DAB1: variants seen among roughly 807,000 people sequenced by gnomAD.
DAB1 encodes the protein disabled homolog 1.
DAB1 carries 15 observed loss-of-function variants against 64.6 expected under a neutral mutation model. That is an observed-to-expected ratio of 0.23 (90% CI 0.16 to 0.36). The LOEUF (loss-of-function observed/expected upper bound fraction) is 0.36. Among genes scored for constraint, DAB1 ranks in the 10% least tolerant of loss-of-function variants. The pLI is 1.00. For synonymous variants in DAB1, 235 were observed against 251.9 expected (o/e 0.93, Z 0.64); for missense variants, 596 against 706.7 (o/e 0.84, Z 1.78).
intron 1 of DAB1, among the ~76,000 whole-genome samples, chr1:57,858,144 T>C (rs1394774024): frequency 6.6e-6 from 1 of 152,124 alleles, no homozygotes; most frequent in African/African-American, 2.4e-5. Flanking sequence ...AGTGTCAAGA[T>C]CTACCACTGT....
At chr1:57,642,762 A>T (rs1413406758) in intron 7 of DAB1, among the ~76,000 whole-genome samples, 1 of 152,186 alleles carries the variant, frequency 6.6e-6, no homozygotes, top group East Asian at 1.9e-4. Context: ...GGTGTTATGA[A>T]CATCAGCGTG....
intron 7 of DAB1, among the ~76,000 whole-genome samples, chr1:57,553,505 G>GAAGGAAGGAAGA (rs57000232): frequency 0.28 from 33,294 of 119,930 alleles, 6,867 homozygotes; most frequent in South Asian, 0.42. Context: ...AGGAAGGAAG[G>GAAGGAAGGAAGA]AAGAGAGAGA....
chr1:57,193,226 C>A (rs1664296793), intron 2 of DAB1, among the ~76,000 whole-genome samples: 1 of 151,904 alleles, frequency 6.6e-6, no homozygotes, highest in African/African-American at 2.4e-5. Context: ...CCACCACCCA[C>A]CCCACCCGGT....
At chr1:57,095,390 A>C (rs914237029) in intron 4 of DAB1, among the ~76,000 whole-genome samples, 1 of 152,212 alleles carries the variant, frequency 6.6e-6, no homozygotes, top group African/African-American at 2.4e-5. Context: ...GGATCAGAGA[A>C]CTGGAGAAGG....
intron 2 of DAB1, among the ~76,000 whole-genome samples, chr1:57,198,373 T>C (rs1296108034): frequency 6.6e-6 from 1 of 152,168 alleles, no homozygotes; most frequent in African/African-American, 2.4e-5. Flanking sequence ...TTAAATAGAA[T>C]GTAATGAAGC....
intron 4 of DAB1, among the ~76,000 whole-genome samples, chr1:58,310,085 A>G (rs575260831): frequency 6.6e-6 from 1 of 152,282 alleles, no homozygotes; most frequent in South Asian, 2.1e-4. Flanking sequence ...CTATCAGTCT[A>G]TTAAAATACA....
chr1:57,205,088 T>C (rs1002875640), intron 2 of DAB1, among the ~76,000 whole-genome samples: 4 of 152,180 alleles, frequency 2.6e-5, no homozygotes, highest in African/African-American at 4.8e-5. Flanking sequence ...TCTGAAGGCA[T>C]TGGCCTCCTT....
chr1:57,448,319 T>G (rs1686226027), intron 7 of DAB1, among the ~76,000 whole-genome samples: 1 of 152,224 alleles, frequency 6.6e-6, no homozygotes, highest in Non-Finnish European at 1.5e-5. Flanking sequence ...AAACATGCTT[T>G]GAAATTAGAT....
chr1:58,361,234 T>A (rs922404821), intron 3 of DAB1, among the ~76,000 whole-genome samples: 4 of 152,182 alleles, frequency 2.6e-5, no homozygotes, highest in Admixed American at 6.5e-5. Context: ...GCTTCTTTAA[T>A]ACTGGGAGGG....
At chr1:57,273,828 GC>G (rs1446779460) in intron 2 of DAB1, among the ~76,000 whole-genome samples, 1 of 151,950 alleles carries the variant, frequency 6.6e-6, no homozygotes, top group Non-Finnish European at 1.5e-5. Context: ...TGACAATGGA[GC>G]CTAGTGAGTC....
At chr1:58,344,496 G>A (rs1041015451) in intron 3 of DAB1, among the ~76,000 whole-genome samples, 1 of 152,016 alleles carries the variant, frequency 6.6e-6, no homozygotes, top group Non-Finnish European at 1.5e-5. Flanking sequence ...GAATGAGAAG[G>A]CATTTGGAAG....
Position 58,299,579 on chromosome 1 carries a change from C to T in DAB1, n.309+43773G>A, listed in dbSNP as rs80153210. Among the ~76,000 whole-genome samples, 231 of 152,216 alleles carry T rather than the reference C, an allele frequency of 1.5e-3. 1 individual carries two copies. Among genetic ancestry groups the T allele is most frequent in the African/African-American group, 5.3e-3 (219 of 41,532 alleles). On this transcript the variant is annotated intron_variant and non_coding_transcript_variant, in intron 4 of 20. Coordinates refer to the DAB1 transcript ENST00000485760. ...CATATATGGGGTGATTCCTCAAAAA[C>T]GCCTTACTGATAGGGGCACACAGTC... is the stretch of plus-strand genomic sequence containing the variant.
At chr1:57,474,487 T>A (rs1362133471) in intron 7 of DAB1, among the ~76,000 whole-genome samples, 1 of 152,192 alleles carries the variant, frequency 6.6e-6, no homozygotes, top group African/African-American at 2.4e-5. Flanking sequence ...AATGTTTGGA[T>A]CCATTAGGAA....
At chr1:58,539,534 AT>A (rs67517177) in intron 1 of DAB1, among the ~76,000 whole-genome samples, 27,158 of 152,066 alleles carry the variant, frequency 0.18, 2,562 homozygotes, top group African/African-American at 0.23. Flanking sequence ...AGAAGCTTGA[AT>A]TTTTTTCATT....
At chr1:57,336,931 C>A (rs12061812) in intron 1 of DAB1, among the ~76,000 whole-genome samples, 44,934 of 151,988 alleles carry the variant, frequency 0.3, 7,073 homozygotes, top group Non-Finnish European at 0.36. Flanking sequence ...CTAAAGGCAA[C>A]CTCCTTCTAC....
intron 3 of DAB1, among the ~76,000 whole-genome samples, chr1:58,482,332 A>G (rs902020035): frequency 2.0e-5 from 3 of 152,234 alleles, no homozygotes; most frequent in Non-Finnish European, 4.4e-5. Context: ...ATCGTCCAAT[A>G]GAATTGGAAA....
At chr1:57,792,713 G>A (rs1162179675) in intron 6 of DAB1, among the ~76,000 whole-genome samples, 1 of 152,074 alleles carries the variant, frequency 6.6e-6, no homozygotes, top group Non-Finnish European at 1.5e-5. Context: ...GTATCATGTT[G>A]GAATTTTGAA....
intron 7 of DAB1, among the ~76,000 whole-genome samples, chr1:57,621,261 G>GT (rs1216695500): frequency 2.9e-5 from 2 of 69,712 alleles, no homozygotes; most frequent in Admixed American, 1.9e-4. Flanking sequence ...GAGTGAGATT[G>GT]TTGTGTGTGT....
chr1:58,364,760 T>A (rs1644200184), intron 3 of DAB1, among the ~76,000 whole-genome samples: 3 of 152,350 alleles, frequency 2.0e-5, no homozygotes, highest in Admixed American at 2.0e-4. Flanking sequence ...AAAATCCACA[T>A]AACTTCCACT....
Sources: allele counts gnomAD v4.1 joint callset (sites outside exome capture counted in the v4.1 genomes callset), GRCh38; gene constraint gnomAD v4.1.1; transcripts MANE v1.5; gene names NCBI Gene and HGNC (gene_info 2026-07-23, HGNC 2026-07-21).